The following SMPD2 variants were observed in gnomAD, a reference collection of about 807,000 sequenced individuals.
The protein encoded by SMPD2 is sphingomyelin phosphodiesterase 2, also known as N-SMase.
SMPD2 carries 35 observed loss-of-function variants against 41.7 expected under a neutral mutation model. That is an observed-to-expected ratio of 0.84 (90% CI 0.64 to 1.11). The LOEUF (loss-of-function observed/expected upper bound fraction) is 1.11, where lower values mean the gene tolerates loss of function less well. Ranked by LOEUF, SMPD2 falls within the 50% of genes most tolerant of loss-of-function variation. The pLI is 0.00. For synonymous variants in SMPD2, 201 were observed against 208.2 expected, an observed-to-expected ratio of 0.97 and a Z score of 0.30; for missense variants, 520 against 524.8, an observed-to-expected ratio of 0.99 and a Z score of 0.09.
At position 109,441,458 on chromosome 6, in the gene SMPD2, G is replaced by T; in HGVS notation, c.147+5G>T. The T allele has an allele frequency of 1.2e-6, 2 of 1,613,884 alleles. No homozygotes were observed. Among genetic ancestry groups the T allele is most frequent in the Non-Finnish European group, 1.7e-6 (2 of 1,179,732 alleles). The stretch of plus-strand genomic sequence containing the variant: ...GACCTGGCTTTGCTGGAGGAGGTGA[G>T]ATTGTGCAGCACGGTGCGGAACCCA... On this transcript the variant is annotated splice_donor_5th_base_variant and intron_variant, in intron 2 of 9. Coordinates refer to ENST00000258052, the MANE Select transcript of SMPD2 (RefSeq NM_003080.3).
rs745589570 is a variant in SMPD2, at chr6:109,442,876, G to T, written c.616G>T (p.Asp206Tyr). 6.2e-7 allele frequency: 1 copy of T among 1,612,494 alleles called. No individual in the cohort carries two copies. The highest frequency in any genetic ancestry group is 8.5e-7 in the Non-Finnish European group (1 of 1,178,638). Residue 206 changes from aspartate to tyrosine, a missense_variant, in exon 7 of 10, where the codon GAC (aspartate) becomes TAC (tyrosine). Transcript: ENST00000258052. ...TCATGATGCCTATCTTGAAACTCGG[G>T]ACTTCAAGGTGAGGACTTGCCTGTT... ...GLHDAYLETR[D>Y]FKGSEEGNTM...
chr6:109,443,250 GC>G lies in SMPD2; in HGVS notation c.730-14del. On this transcript the variant is annotated splice_polypyrimidine_tract_variant and intron_variant, in intron 8 of 9. Coordinates refer to ENST00000258052, the MANE Select transcript of SMPD2 (RefSeq NM_003080.3). ...GCCCTCATATATAAGCTTCTCTCTG[GC>G]CCTTACTTTTCCTAGGCAGTTTCTG... The G allele has an allele frequency of 6.2e-7, 1 of 1,613,772 alleles. No individual in the cohort carries two copies. Among genetic ancestry groups the G allele is most frequent in the African/African-American group, 1.3e-5 (1 of 74,966 alleles).
At position 109,441,077 on chromosome 6, in the gene SMPD2, C is replaced by A. The variant is rs374122924; in HGVS notation, c.-45C>A. 14 of 1,608,704 alleles carry A rather than the reference C, an allele frequency of 8.7e-6. No individual in the cohort carries two copies. In the African/African-American group the frequency reaches 1.9e-4, roughly 22 times the overall value. On this transcript the variant is annotated 5_prime_UTR_variant, in exon 1 of 10. Transcript: ENST00000258052. ...CCGCCCCCGTCCCCACCGCGGCCGT[C>A]GCTGGAGAGTTCGAGCCGCCTAGCG...
At chr6:109,442,943 C>T (rs1287412350) in intron 7 of SMPD2, 34 bp from the exon 8 acceptor site, 3 of 1,611,372 alleles carry the variant, frequency 1.9e-6, no homozygotes, top group Non-Finnish European at 2.5e-6. Context: ...CTCCTTCTCC[C>T]CCACATCCTA....
rs995111319 is a variant in SMPD2, at chr6:109,443,790, A to C, written c.1157A>C (p.Gln386Pro). Reference protein sequence around the residue: ...VQEVNGLYRAQAELQHVLGRA... With the variant: ...VQEVNGLYRAPAELQHVLGRA... ...GAGGTCAATGGCTTATATAGGGCCC[A>C]GGCTGAGCTCCAGCATGTGCTAGGA... The change falls in exon 10 of 10, where the codon CAG becomes CCG. Residue 386 changes from glutamine (Q) to proline (P), a missense_variant. Coordinates refer to ENST00000258052, the MANE Select transcript of SMPD2 (RefSeq NM_003080.3). 5.6e-6 allele frequency: 9 copies of C among 1,614,064 alleles called. No homozygotes were observed. The highest frequency in any genetic ancestry group is 3.3e-5 in the Admixed American group (2 of 60,010).
rs749569020 is a variant in SMPD2 at position 109,442,304 on chromosome 6, G to A, written c.408+5G>A. 1.9e-6 allele frequency: 3 copies of A among 1,613,594 alleles called. No individual in the cohort carries two copies. In the South Asian group the frequency reaches 3.3e-5, roughly 18 times the overall value. ...CTCAACGCCTATGTGACCCATGTGA[G>A]TGAAGCTGGCAGTGCCTAGGGCTGG... On this transcript the variant is annotated splice_donor_5th_base_variant and intron_variant, in intron 5 of 9. Coordinates refer to ENST00000258052, the MANE Select transcript of SMPD2 (RefSeq NM_003080.3).
At position 109,441,359 on chromosome 6, in the gene SMPD2, G is replaced by A. The variant is rs138354272; in HGVS notation, c.53G>A (p.Gly18Asp). ...RLRIFNLNCWGIPYLSKHRAD... is the reference protein window; with the variant it reads ...RLRIFNLNCWDIPYLSKHRAD... The stretch of plus-strand genomic sequence containing the variant: ...TGCCCCGCTCTTCCCTTCCTTAGGG[G>A]CATTCCGTACTTGAGCAAGCACCGG... Residue 18 changes from glycine (G) to aspartate (D), a missense_variant and splice_region_variant, in exon 2 of 10, where the codon GGC becomes GAC. By Grantham distance (94) the Gly-to-Asp change is moderately conservative (BLOSUM62 -1). Transcript: ENST00000258052. The A allele has an allele frequency of 1.2e-6, 2 of 1,613,662 alleles. No individual in the cohort carries two copies. Among genetic ancestry groups the A allele is most frequent in the Admixed American group, 1.7e-5 (1 of 60,018 alleles).
rs1231595701 is a variant in SMPD2, at chr6:109,443,698, A to G, written c.1065A>G (p.Ile355Met). The change falls in exon 10 of 10, where the codon ATA becomes ATG. Residue 355 changes from isoleucine to methionine, a missense_variant. Physicochemically the swap from Ile to Met is conservative, Grantham distance 10 (BLOSUM62 1). Transcript: ENST00000258052. The part of the protein sequence containing the change: ...AAGGGAGEAA[I>M]LLWTPSVGLV... ...GAGGAGGGGCCGGGGAAGCTGCCAT[A>G]CTGCTCTGGACCCCCAGTGTAGGGC... is the stretch of plus-strand genomic sequence containing the variant. 6.2e-7 allele frequency: 1 copy of G among 1,613,806 alleles called. No homozygotes were observed. The highest frequency in any genetic ancestry group is 8.5e-7 in the Non-Finnish European group (1 of 1,179,906).
chr6:109,442,183 T>C (rs1774934080), intron 4 of SMPD2, 27 bp from the exon 5 acceptor site: 3 of 1,611,064 alleles, frequency 1.9e-6, no homozygotes, highest in Non-Finnish European at 2.5e-6. Flanking sequence ...GGCGGTGCCC[T>C]GAGTTTCTAT....
chr6:109,440,955 C>G lies in SMPD2; in HGVS notation c.-167C>G, dbSNP rs554461501. ...AACAGCCGGCCGGTTGCCGGGGGAA[C>G]GCGGGAGTCGGGCCCGACCTGAGCC... On this transcript the variant is annotated 5_prime_UTR_variant, in exon 1 of 10. Coordinates refer to ENST00000258052, the MANE Select transcript of SMPD2 (RefSeq NM_003080.3). The G allele has an allele frequency of 5.2e-4, 331 of 633,622 alleles. No homozygotes were observed. In the African/African-American group the frequency reaches 6.0e-3, roughly 11 times the overall value. 39.2% of individuals were successfully genotyped at this position (633,622 alleles called of 1,614,324 possible). A position where few individuals can be genotyped will look rare whatever the true frequency, so the allele number is the denominator to read the frequency against.
chr6:109,443,087 G>C lies in SMPD2; in HGVS notation c.729+6G>C. 6.2e-7 allele frequency: 1 copy of C among 1,609,972 alleles called. No individual in the cohort carries two copies. Among genetic ancestry groups the C allele is most frequent in the Non-Finnish European group, 8.5e-7 (1 of 1,176,334 alleles). ...TTGACTACGTGCTTTACAAGGTCAG[G>C]CTCCTCCCTTCAACATGCTTTCATA... is the stretch of plus-strand genomic sequence containing the variant. On this transcript the variant is annotated splice_donor_region_variant and intron_variant, in intron 8 of 9. Coordinates refer to ENST00000258052, the MANE Select transcript of SMPD2 (RefSeq NM_003080.3).
rs1400562660 is a variant in SMPD2 at position 109,442,220 on chromosome 6, G to C, written c.329G>C (p.Gly110Ala). The C allele has an allele frequency of 6.2e-7, 1 of 1,614,086 alleles. No individual in the cohort carries two copies. The highest frequency in any genetic ancestry group is 8.5e-7 in the Non-Finnish European group (1 of 1,180,024). The change falls in exon 5 of 10, where the codon GGT (glycine) becomes GCT (alanine). Residue 110 changes from glycine to alanine, a missense_variant. Gly to Ala is a moderately conservative substitution (Grantham distance 60). Coordinates refer to ENST00000258052, the MANE Select transcript of SMPD2 (RefSeq NM_003080.3). ...LNGYPYMIHH[G>A]DWFSGKAVGL... ...TCCTCCTGCCTGCAGATCCATCATG[G>C]TGACTGGTTCAGTGGGAAGGCTGTG...
Position 109,442,035 on chromosome 6 carries a change from C to A in SMPD2, c.286C>A (p.His96Asn). 1 of 1,613,378 alleles carries A rather than the reference C, an allele frequency of 6.2e-7. No individual in the cohort carries two copies. Among genetic ancestry groups the A allele is most frequent in the Non-Finnish European group, 8.5e-7 (1 of 1,179,592 alleles). ...ACATCCAATCCAGGAGCTTACCCAG[C>A]ACATCTACACTCTCAATGGCTACCC... ...SKHPIQELTQ[H>N]IYTLNGYPYM... is the part of the protein sequence containing the mutation. Residue 96 changes from histidine (H) to asparagine (N), a missense_variant, in exon 4 of 10, where the codon CAC (histidine) becomes AAC (asparagine). By Grantham distance (68) the His-to-Asn change is moderately conservative. Coordinates refer to ENST00000258052, the MANE Select transcript of SMPD2 (RefSeq NM_003080.3).
At chr6:109,442,335 G>A (rs767928004) in intron 5 of SMPD2, 36 bp downstream of exon 5, 36 of 1,565,088 alleles carry the variant, frequency 2.3e-5, no homozygotes, top group Middle Eastern at 1.7e-4. Context: ...GCTGGGACAT[G>A]CAGCCCAGTC....
At position 109,442,611 on chromosome 6, in the gene SMPD2, G is replaced by C. The variant is rs1177488662; in HGVS notation, c.477G>C (p.Leu159Phe). 6.2e-7 allele frequency: 1 copy of C among 1,614,182 alleles called. No homozygotes were observed. ...LAHRVAQAWE[L>F]AQFIHHTSKK... is the part of the protein sequence containing the mutation. ...ATCGTGTGGCCCAAGCTTGGGAATTGGCCCAGTTCATCCAGTGTGTGAGCC... is the reference window on the plus strand; with the variant it reads ...ATCGTGTGGCCCAAGCTTGGGAATTCGCCCAGTTCATCCAGTGTGTGAGCC... The change falls in exon 6 of 10, where the codon TTG (leucine) becomes TTC (phenylalanine). Residue 159 changes from leucine (L) to phenylalanine (F), a missense_variant. Coordinates refer to ENST00000258052, the MANE Select transcript of SMPD2 (RefSeq NM_003080.3).
rs1167524142 is a variant in SMPD2, at chr6:109,440,743, G to A, written c.-379G>A. Reference sequence around the variant, plus strand: ...GCCTTTCCTCAACTTTGCGCCTGTTGCTGGGCCGCCGGCGCGCGGGCGGCC... The same window carrying A: ...GCCTTTCCTCAACTTTGCGCCTGTTACTGGGCCGCCGGCGCGCGGGCGGCC... On this transcript the variant is annotated 5_prime_UTR_variant, in exon 1 of 10. Transcript: ENST00000258052. 2.1e-6 allele frequency: 1 copy of A among 474,208 alleles called. No homozygotes were observed. The highest frequency in any genetic ancestry group is 3.0e-6 in the Non-Finnish European group (1 of 327,950). 29.4% of individuals were successfully genotyped at this position (474,208 alleles called of 1,614,324 possible).
Position 109,441,494 on chromosome 6 carries a change from A to T in SMPD2, c.147+41A>T, listed in dbSNP as rs186439077. On this transcript the variant is annotated intron_variant, in intron 2 of 9. Transcript: ENST00000258052. ...ACGGTGCGGAACCCAGGCTGGGAGG[A>T]GGGACAGACCGTCCCACTGGGGAAA... 0.014 allele frequency: 23,248 copies of T among 1,608,906 alleles called. 234 individuals are homozygous for T. The highest frequency in any genetic ancestry group is 0.025 in the South Asian group (2,287 of 90,970).
Position 109,441,612 on chromosome 6 carries a change from G to A in SMPD2, c.208G>A (p.Ala70Thr). The A allele has an allele frequency of 6.2e-7, 1 of 1,614,152 alleles. No homozygotes were observed. Among genetic ancestry groups the A allele is most frequent in the Non-Finnish European group, 8.5e-7 (1 of 1,179,982 alleles). Residue 70 changes from alanine to threonine, a missense_variant, in exon 3 of 10, where the codon GCA becomes ACA. Ala to Thr is a moderately conservative substitution (Grantham distance 58). Transcript: ENST00000258052. Reference protein sequence around the residue: ...RQKLSPTYPAAHHFRSGIIGS... With the variant: ...RQKLSPTYPATHHFRSGIIGS... ...GAAGCTGTCACCTACCTACCCAGCT[G>A]CACACCACTTCCGGAGGTGAGAAGC... is the stretch of plus-strand genomic sequence containing the variant.
rs1774884831 is a variant in SMPD2, at chr6:109,441,548, T to G, written c.148-4T>G. 6.2e-7 allele frequency: 1 copy of G among 1,613,978 alleles called. No individual in the cohort carries two copies. Among genetic ancestry groups the G allele is most frequent in the Admixed American group, 1.7e-5 (1 of 60,006 alleles). ...CAAGCAGGCATCCTCACCGCTTCCC[T>G]CAGGTGTGGAGTGAGCAGGACTTCC... On this transcript the variant is annotated splice_polypyrimidine_tract_variant and splice_region_variant and intron_variant, in intron 2 of 9. Coordinates refer to ENST00000258052, the MANE Select transcript of SMPD2 (RefSeq NM_003080.3).
Sources: gnomAD v4.1 joint callset for allele counts on GRCh38, gnomAD v4.1.1 for gene constraint, MANE v1.5 for transcripts, NCBI Gene and HGNC (gene_info 2026-07-23, HGNC 2026-07-21) for gene names.